Variants in CPEB1 observed in about 807,000 individuals in gnomAD.
The protein encoded by CPEB1 is cytoplasmic polyadenylation element-binding protein 1.
A neutral mutation model predicts 65.8 loss-of-function variants in CPEB1; 7 were observed. The observed-to-expected ratio is 0.11, with a 90% CI of 0.06 to 0.20. The LOEUF (loss-of-function observed/expected upper bound fraction) is 0.20, where lower values mean the gene tolerates loss of function less well. Ranked by LOEUF, CPEB1 falls within the 10% of genes least tolerant of loss-of-function variation. The pLI, the probability that CPEB1 is intolerant of heterozygous loss-of-function variation, is 1.00. For synonymous variants in CPEB1, 262 were observed against 260.0 expected (o/e 1.01, Z -0.08); for missense variants, 551 against 712.2 (o/e 0.77, Z 2.58).
chr15:82,572,951 G>C, intron 3 of CPEB1: 1 of 1,318,664 alleles, frequency 7.6e-7, no homozygotes, highest in Non-Finnish European at 1.0e-6. Context: ...GGGTCACTGG[G>C]CTTCTTCCTC....
intron 3 of CPEB1, among the ~76,000 whole-genome samples, chr15:82,584,218 C>G (rs999719135): frequency 7.2e-6 from 1 of 139,292 alleles, no homozygotes; most frequent in African/African-American, 2.7e-5. Flanking sequence ...GAGATCGCAC[C>G]ACTGCACTCC....
chr15:82,615,242 A>G (rs1048853055), intron 3 of CPEB1, among the ~76,000 whole-genome samples: 24 of 152,200 alleles, frequency 1.6e-4, no homozygotes, highest in African/African-American at 5.3e-4. Flanking sequence ...AAGAATGTAT[A>G]TGTTTACACC....
chr15:82,555,696 G>C (rs763252964), intron 6 of CPEB1, among the ~76,000 whole-genome samples, 174 bp downstream of exon 6: 1 of 152,206 alleles, frequency 6.6e-6, no homozygotes, highest in Non-Finnish European at 1.5e-5. Flanking sequence ...AGAAGTTCCT[G>C]AGTCTGTTCC....
intron 3 of CPEB1, among the ~76,000 whole-genome samples, chr15:82,623,316 AAC>A (rs1274971701): frequency 6.6e-6 from 1 of 152,210 alleles, no homozygotes; most frequent in Admixed American, 6.5e-5. Context: ...TGTGTTAGGA[AAC>A]ACACCATTTG....
At chr15:82,579,547 A>C (rs1373364194) in intron 3 of CPEB1, among the ~76,000 whole-genome samples, 1 of 152,238 alleles carries the variant, frequency 6.6e-6, no homozygotes, top group African/African-American at 2.4e-5. Flanking sequence ...TTTGAGACAC[A>C]GGAAATAATT....
chr15:82,597,540 A>T (rs1280342680), intron 3 of CPEB1, among the ~76,000 whole-genome samples: 1 of 152,196 alleles, frequency 6.6e-6, no homozygotes, highest in Non-Finnish European at 1.5e-5. Context: ...AAGGAAAAAC[A>T]TGTTTTACAG....
chr15:82,621,447 C>G (rs1183985906), intron 3 of CPEB1, among the ~76,000 whole-genome samples: 1 of 151,926 alleles, frequency 6.6e-6, no homozygotes, highest in Non-Finnish European at 1.5e-5. Context: ...TATGGAGAAA[C>G]CCCGTCTCTA....
intron 8 of CPEB1, among the ~76,000 whole-genome samples, chr15:82,553,157 T>A (rs187287427): frequency 6.6e-6 from 1 of 152,174 alleles, no homozygotes; most frequent in Non-Finnish European, 1.5e-5. Flanking sequence ...GGAAAGCTTT[T>A]CAAACGCCTT....
At chr15:82,546,256 C>T (rs1207129802) in intron 12 of CPEB1, among the ~76,000 whole-genome samples, 185 bp downstream of exon 12, 3 of 152,148 alleles carry the variant, frequency 2.0e-5, no homozygotes, top group African/African-American at 7.2e-5. Context: ...ATTACAGGCG[C>T]CTGCCACCAC....
rs1407303796 is a variant in CPEB1 at position 82,557,858 on chromosome 15, G to A, written c.589C>T (p.Leu197=). The A allele has an allele frequency of 2.5e-6, 4 of 1,614,022 alleles. No individual in the cohort carries two copies. The highest frequency in any genetic ancestry group is 3.4e-6 in the Non-Finnish European group (4 of 1,180,026). ...FPAPSVRGSR[L]DTRPILDSRS... ...GAGTCCAGGATGGGCCGGGTGTCCAGGCGTGATCCTCTAACTGAGGGTGCT... is the reference window on the plus strand; with the variant it reads ...GAGTCCAGGATGGGCCGGGTGTCCAAGCGTGATCCTCTAACTGAGGGTGCT... Residue 197 remains leucine (L), a synonymous_variant, in exon 5 of 13, where the codon CTG becomes TTG. Coordinates refer to ENST00000684509, the MANE Select transcript of CPEB1 (RefSeq NM_001365242.1).
At chr15:82,580,428 A>T (rs892006052) in intron 3 of CPEB1, among the ~76,000 whole-genome samples, 2 of 152,176 alleles carry the variant, frequency 1.3e-5, no homozygotes, top group Non-Finnish European at 2.9e-5. Context: ...AAATCTCTCT[A>T]CTATTGTAAA....
intron 10 of CPEB1, among the ~76,000 whole-genome samples, chr15:82,549,030 C>T (rs2035788870): frequency 6.6e-6 from 1 of 152,218 alleles, no homozygotes; most frequent in Admixed American, 6.5e-5. Flanking sequence ...CTCAGAAAGT[C>T]CTCCTCCAGC....
At chr15:82,623,300 A>C (rs2045479376) in intron 3 of CPEB1, among the ~76,000 whole-genome samples, 1 of 152,230 alleles carries the variant, frequency 6.6e-6, no homozygotes. Flanking sequence ...TAGCAATGTG[A>C]AACACTGTGT....
At chr15:82,552,792 G>T (rs2036513350) in intron 8 of CPEB1, among the ~76,000 whole-genome samples, 176 bp from the exon 9 acceptor site, 1 of 152,244 alleles carries the variant, frequency 6.6e-6, no homozygotes, top group Non-Finnish European at 1.5e-5. Flanking sequence ...GATGCCCTGG[G>T]TTGTGGGCCT....
At chr15:82,603,082 C>T (rs1225385547) in intron 3 of CPEB1, among the ~76,000 whole-genome samples, 2 of 152,044 alleles carry the variant, frequency 1.3e-5, no homozygotes, top group East Asian at 3.9e-4. Context: ...GTAAGAACAA[C>T]ATTCTTTGTG....
At chr15:82,569,186 A>C (rs1043582574) in intron 4 of CPEB1, among the ~76,000 whole-genome samples, 7 of 152,206 alleles carry the variant, frequency 4.6e-5, no homozygotes, top group Non-Finnish European at 1.0e-4. Context: ...ACGATCTGGC[A>C]CTGCAGCTGG....
intron 3 of CPEB1, among the ~76,000 whole-genome samples, chr15:82,596,527 G>C (rs939276165): frequency 1.3e-5 from 2 of 151,692 alleles, no homozygotes; most frequent in Non-Finnish European, 2.9e-5. Context: ...GCAAAACCCC[G>C]TCTCTACTAA....
intron 4 of CPEB1, among the ~76,000 whole-genome samples, chr15:82,570,581 C>A (rs1567189412): frequency 6.6e-6 from 1 of 152,100 alleles, no homozygotes; most frequent in Non-Finnish European, 1.5e-5. Flanking sequence ...AAACAGGTAA[C>A]AGAAGGTATA....
At chr15:82,622,156 T>C (rs544587497) in intron 3 of CPEB1, among the ~76,000 whole-genome samples, 2 of 152,230 alleles carry the variant, frequency 1.3e-5, no homozygotes, top group East Asian at 1.9e-4. Flanking sequence ...CTAGGGAATG[T>C]GGAGAGGGCC....
Sources: gnomAD v4.1 joint callset for allele counts (sites outside exome capture counted in the v4.1 genomes callset) on GRCh38, gnomAD v4.1.1 for gene constraint, MANE v1.5 for transcripts, NCBI Gene and HGNC (gene_info 2026-07-23, HGNC 2026-07-21) for gene names.